The following RTL4 variants were observed in gnomAD, a reference collection of about 807,000 sequenced individuals.
The protein encoded by RTL4 is retrotransposon Gag-like protein 4.
RTL4 carries 4 observed loss-of-function variants against 5.3 expected under a neutral mutation model. That is an observed-to-expected ratio of 0.75 (90% CI 0.37 to 1.72). The LOEUF is 1.72. Ranked by LOEUF, RTL4 falls within the 40% of genes most tolerant of loss-of-function variation. The pLI is 0.04. For synonymous variants in RTL4, 98 were observed against 87.3 expected (o/e 1.12, Z -0.68); for missense variants, 260 against 227.1 (o/e 1.14, Z -0.93).
At chrX:112,114,014 T>C in the RTL4 span, among the ~76,000 whole-genome samples, 1 of 111,612 alleles carries the variant, frequency 9.0e-6, no homozygotes, top group Admixed American at 9.5e-5. Flanking sequence ...CTTTTGGAGC[T>C]TTTTCCTGAT....
At chrX:112,413,804 C>A in the RTL4 span, among the ~76,000 whole-genome samples, 8 of 109,732 alleles carry the variant, frequency 7.3e-5, no homozygotes, top group African/African-American at 2.0e-4. Flanking sequence ...TGAGTATAAT[C>A]AAAAAATTTA....
chrX:112,170,384 A>G, the RTL4 span, among the ~76,000 whole-genome samples: 1 of 112,204 alleles, frequency 8.9e-6, no homozygotes, highest in Non-Finnish European at 1.9e-5. Context: ...ATCCATGAGT[A>G]TGGAAGATTT....
At chrX:112,130,759 C>G in the RTL4 span, among the ~76,000 whole-genome samples, 2 of 106,223 alleles carry the variant, frequency 1.9e-5, no homozygotes, top group Non-Finnish European at 3.8e-5. Flanking sequence ...GGAACTGAAA[C>G]TAGATATCAT....
the RTL4 span, among the ~76,000 whole-genome samples, chrX:112,441,856 G>A: frequency 1.8e-5 from 2 of 111,900 alleles, no homozygotes; most frequent in Non-Finnish European, 3.8e-5. Context: ...ATTTGTAATG[G>A]CCTCACACTG....
At chrX:112,396,595 T>C in the RTL4 span, among the ~76,000 whole-genome samples, 4 of 111,335 alleles carry the variant, frequency 3.6e-5, no homozygotes, top group African/African-American at 1.3e-4. Flanking sequence ...GGTTCTCATA[T>C]TATATCCCCC....
chrX:112,180,267 G>T, the RTL4 span, among the ~76,000 whole-genome samples: 1 of 111,346 alleles, frequency 9.0e-6, no homozygotes, highest in African/African-American at 3.3e-5. Context: ...CTGGAGGCTC[G>T]ACATCTAAAT....
At chrX:112,298,976 G>A in the RTL4 span, among the ~76,000 whole-genome samples, 3 of 112,714 alleles carry the variant, frequency 2.7e-5, no homozygotes, top group Non-Finnish European at 3.7e-5. Context: ...GCATCAGTTC[G>A]TTTCCAAGAC....
At chrX:112,305,741 T>C in the RTL4 span, among the ~76,000 whole-genome samples, 2 of 112,162 alleles carry the variant, frequency 1.8e-5, no homozygotes, top group African/African-American at 6.5e-5. Flanking sequence ...ACTATTGTGA[T>C]TCGTTGTATA....
the RTL4 span, among the ~76,000 whole-genome samples, chrX:112,366,842 C>CA: frequency 8.5e-3 from 949 of 112,019 alleles, 16 homozygotes; most frequent in African/African-American, 0.029. Context: ...TCAGAAGTGG[C>CA]AATGTCAAGT....
At chrX:112,412,690 AT>A in the RTL4 span, among the ~76,000 whole-genome samples, 23 of 111,883 alleles carry the variant, frequency 2.1e-4, no homozygotes, top group African/African-American at 4.9e-4. Context: ...CTCTCACCAT[AT>A]ACAAACACCA....
the RTL4 span, among the ~76,000 whole-genome samples, chrX:112,094,880 G>A: frequency 9.0e-6 from 1 of 111,334 alleles, no homozygotes; most frequent in Non-Finnish European, 1.9e-5. Context: ...TGAGAGGGAG[G>A]TGAGGAAATA....
the RTL4 span, among the ~76,000 whole-genome samples, chrX:112,165,482 T>C: frequency 9.0e-6 from 1 of 111,186 alleles, no homozygotes; most frequent in Non-Finnish European, 1.9e-5. Context: ...TCCTGGGGAA[T>C]TGGAATAATT....
chrX:112,275,373 G>A, the RTL4 span, among the ~76,000 whole-genome samples: 2 of 111,013 alleles, frequency 1.8e-5, no homozygotes, highest in South Asian at 3.8e-4. Flanking sequence ...TAGCCCTAGA[G>A]TTAACTGTTG....
At chrX:112,242,939 T>C in the RTL4 span, among the ~76,000 whole-genome samples, 3 of 111,773 alleles carry the variant, frequency 2.7e-5, no homozygotes, top group Non-Finnish European at 5.6e-5. Context: ...TCTGCATCTA[T>C]TGAGATAATC....
chrX:112,453,973 A>C (rs763369810), upstream of RTL4, among the ~76,000 whole-genome samples: 3 of 111,443 alleles, frequency 2.7e-5, no homozygotes, highest in East Asian at 8.6e-4. Context: ...CTGTGATATT[A>C]ACTATCTGTG....
At chrX:112,326,652 C>T in the RTL4 span, among the ~76,000 whole-genome samples, 1 of 112,054 alleles carries the variant, frequency 8.9e-6, no homozygotes, top group Admixed American at 9.4e-5. Flanking sequence ...GTGGAGCCCA[C>T]CACAGCTCAA....
At chrX:112,310,369 CATATATATATATATATAT>C in the RTL4 span, among the ~76,000 whole-genome samples, 10 of 4,357 alleles carry the variant, frequency 2.3e-3, no homozygotes, top group Admixed American at 6.8e-3. Context: ...CACCTTTATA[CATATATATATATATATAT>C]ATATATATAT....
the RTL4 span, among the ~76,000 whole-genome samples, chrX:112,338,046 A>G: frequency 8.9e-6 from 1 of 111,969 alleles, no homozygotes; most frequent in Non-Finnish European, 1.9e-5. Flanking sequence ...TCCAATATCA[A>G]CCTTCTCTAT....
chrX:112,298,358 G>T, the RTL4 span, among the ~76,000 whole-genome samples: 90 of 111,635 alleles, frequency 8.1e-4, 1 homozygote, highest in African/African-American at 2.6e-3. Context: ...TAGTTATTAC[G>T]AAAGAAAGAG....
Sources: allele counts gnomAD v4.1 joint callset (sites outside exome capture counted in the v4.1 genomes callset), GRCh38; gene constraint gnomAD v4.1.1; transcripts MANE v1.5; gene names NCBI Gene and HGNC (gene_info 2026-07-23, HGNC 2026-07-21).